Variants in PRIMPOL observed in about 807,000 individuals in gnomAD.
PRIMPOL encodes primase and DNA directed polymerase.
Under a neutral mutation model 63.6 loss-of-function variants are expected in PRIMPOL, and 54 were observed. That is an observed-to-expected ratio of 0.85 (90% confidence interval 0.68 to 1.07). The LOEUF is 1.07. Among genes scored for constraint, PRIMPOL ranks in the 50% least tolerant of loss-of-function variants. The pLI is 0.00. For missense variants in PRIMPOL, 610 were observed against 648.3 expected (o/e 0.94, Z 0.64); for synonymous variants, 197 against 220.2 (o/e 0.89, Z 0.93).
intron 8 of PRIMPOL, 131 bp downstream of exon 8, chr4:184,678,525 C>CT (rs767532493): frequency 0.081 from 27,430 of 336,964 alleles, 598 homozygotes; most frequent in African/African-American, 0.1. Context: ...TCTTACAGCT[C>CT]TTTTTTTTTT....
chr4:184,652,185 A>C (rs960321957), intron 2 of PRIMPOL, 85 bp downstream of exon 2: 1 of 152,192 alleles, frequency 6.6e-6, no homozygotes, highest in African/African-American at 2.4e-5. Context: ...TCATTTGGTG[A>C]GATGGTGGAA....
intron 11 of PRIMPOL, among the ~76,000 whole-genome samples, chr4:184,690,603 G>C (rs1271200925): frequency 1.3e-5 from 2 of 150,858 alleles, no homozygotes; most frequent in East Asian, 3.9e-4. Flanking sequence ...GGGATTACAG[G>C]TGCCCCCCAC....
rs78509689 is a variant in PRIMPOL, at chr4:184,674,945, C to T, written c.844+2485C>T. ...GTCATGACATTTCTCTGTGTGGGAGCACCTCCAGCATCACGAGTGGCACTT... is the reference window on the plus strand; with the variant it reads ...GTCATGACATTTCTCTGTGTGGGAGTACCTCCAGCATCACGAGTGGCACTT... On this transcript the variant is annotated intron_variant, in intron 7 of 13. Transcript: ENST00000314970. 3.2e-3 allele frequency among the ~76,000 whole-genome samples: 485 copies of T among 152,322 alleles called. 1 individual carries two copies. Among genetic ancestry groups the T allele is most frequent in the African/African-American group, 0.011 (463 of 41,570 alleles).
At chr4:184,667,488 T>C (rs531285100) in intron 6 of PRIMPOL, among the ~76,000 whole-genome samples, 3 of 152,106 alleles carry the variant, frequency 2.0e-5, no homozygotes, top group African/African-American at 4.8e-5. Flanking sequence ...GTTTTTGTAT[T>C]TTTAGTAGAG....
At chr4:184,684,821 C>T (rs1185304668) in intron 9 of PRIMPOL, among the ~76,000 whole-genome samples, 2 of 151,916 alleles carry the variant, frequency 1.3e-5, no homozygotes, top group Non-Finnish European at 2.9e-5. Context: ...GAAAGGAAAT[C>T]AGAATAGAAA....
intron 5 of PRIMPOL, among the ~76,000 whole-genome samples, chr4:184,664,881 G>C (rs1749408357): frequency 6.6e-6 from 1 of 152,142 alleles, no homozygotes; most frequent in Non-Finnish European, 1.5e-5. Context: ...GAGTATGTAG[G>C]GGGAATTTGA....
chr4:184,681,285 T>C (rs1755548873), intron 8 of PRIMPOL, among the ~76,000 whole-genome samples: 1 of 152,182 alleles, frequency 6.6e-6, no homozygotes, highest in African/African-American at 2.4e-5. Flanking sequence ...AAAATTGTTG[T>C]AACAAAAAAT....
intron 4 of PRIMPOL, among the ~76,000 whole-genome samples, chr4:184,659,920 A>G (rs1579326328): frequency 6.6e-6 from 1 of 152,170 alleles, no homozygotes; most frequent in Middle Eastern, 3.4e-3. Context: ...TCCCGAGTGC[A>G]AGTCGTTGTT....
Position 184,661,375 on chromosome 4 carries a change from G to A in PRIMPOL, c.279-399G>A, listed in dbSNP as rs921458391. ...ATGTAGTGAAAGCACAGTTAACACA[G>A]TACTTGCAATGTAAGATAGACTGCC... is the stretch of plus-strand genomic sequence containing the variant. On this transcript the variant is annotated intron_variant, in intron 4 of 13. Coordinates refer to ENST00000314970, the MANE Select transcript of PRIMPOL (RefSeq NM_152683.4). Among the ~76,000 whole-genome samples the A allele has an allele frequency of 4.6e-5, 7 of 152,130 alleles. 1 individual carries two copies. The East Asian group carries it at 1.3e-3, about 29-fold the overall frequency.
At position 184,675,732 on chromosome 4, in the gene PRIMPOL, ACTTGAATCCGGGAGGCAGAGGTTG is replaced by A. The variant is rs375758135; in HGVS notation, c.845-2498_845-2475del. Among the ~76,000 whole-genome samples, 1,236 of 152,234 alleles carry A rather than the reference ACTTGAATCCGGGAGGCAGAGGTTG, an allele frequency of 8.1e-3. 7 individuals are homozygous for A. The highest frequency in any genetic ancestry group is 0.012 in the Non-Finnish European group (837 of 68,002). ...CTCAGGAGGCTGAGACATGAGAATC[ACTTGAATCCGGGAGGCAGAGGTTG>A]CAGTGAGCCGAGATCATACCACTGC... On this transcript the variant is annotated intron_variant, in intron 7 of 13. Coordinates refer to ENST00000314970, the MANE Select transcript of PRIMPOL (RefSeq NM_152683.4).
At chr4:184,671,851 G>T (rs868268627) in intron 6 of PRIMPOL, among the ~76,000 whole-genome samples, 4 of 147,554 alleles carry the variant, frequency 2.7e-5, no homozygotes, top group South Asian at 2.2e-4. Flanking sequence ...CATGCCATTC[G>T]CCCACCTCAG....
intron 4 of PRIMPOL, 55 bp from the exon 5 acceptor site, chr4:184,661,719 T>G: frequency 8.3e-7 from 1 of 1,210,232 alleles, no homozygotes; most frequent in Non-Finnish European, 1.2e-6. Flanking sequence ...AGTCAATCAA[T>G]CAATCAATAA....
intron 8 of PRIMPOL, among the ~76,000 whole-genome samples, chr4:184,680,623 T>C (rs1332561268): frequency 6.6e-6 from 1 of 152,014 alleles, no homozygotes; most frequent in Non-Finnish European, 1.5e-5. Context: ...TTTTTCTTCA[T>C]ATATATATAT....
chr4:184,661,722 A>G lies in PRIMPOL; in HGVS notation c.279-52A>G, dbSNP rs199699844. 40 of 1,244,602 alleles carry G rather than the reference A, an allele frequency of 3.2e-5. No homozygotes were observed. In the East Asian group the frequency reaches 3.6e-4, roughly 11 times the overall value. The allele number at this position is 1,244,602 out of a possible 1,614,324, so 77.1% of individuals were successfully genotyped here. On this transcript the variant is annotated intron_variant, in intron 4 of 13. Transcript: ENST00000314970. ...TCAGTCTCAGTCAGTCAATCAATCA[A>G]TCAATAAAGGTATAATATATCAATT...
chr4:184,664,168 T>C (rs1749159934), intron 5 of PRIMPOL, among the ~76,000 whole-genome samples: 1 of 152,240 alleles, frequency 6.6e-6, no homozygotes, highest in Non-Finnish European at 1.5e-5. Context: ...AAATAGAATT[T>C]AGGAGAATAT....
At chr4:184,666,113 A>G in intron 6 of PRIMPOL, 49 bp downstream of exon 6, 4 of 1,415,942 alleles carry the variant, frequency 2.8e-6, no homozygotes, top group Non-Finnish European at 3.9e-6. Context: ...CAAAACTCAT[A>G]TGTTCTTATT....
chr4:184,659,543 A>G, intron 4 of PRIMPOL, 106 bp downstream of exon 4: 1 of 798,558 alleles, frequency 1.3e-6, no homozygotes, highest in African/African-American at 1.7e-5. Context: ...ACAGTTCGTG[A>G]CCACACTATT....
intron 11 of PRIMPOL, among the ~76,000 whole-genome samples, chr4:184,688,485 C>T (rs1165185093): frequency 6.6e-6 from 1 of 152,180 alleles, no homozygotes; most frequent in Non-Finnish European, 1.5e-5. Context: ...TCAAGCTTTA[C>T]TAATAATGTA....
intron 6 of PRIMPOL, among the ~76,000 whole-genome samples, chr4:184,668,112 T>C (rs1167489060): frequency 6.6e-6 from 1 of 152,236 alleles, no homozygotes; most frequent in South Asian, 2.1e-4. Flanking sequence ...GCATCTATGT[T>C]GATGACTCTG....
Sources: gnomAD v4.1 joint callset for allele counts (sites outside exome capture counted in the v4.1 genomes callset) on GRCh38, gnomAD v4.1.1 for gene constraint, MANE v1.5 for transcripts, NCBI Gene and HGNC (gene_info 2026-07-23, HGNC 2026-07-21) for gene names.